ZNF557: variants seen among roughly 807,000 people sequenced by gnomAD.
ZNF557 encodes CTB-25J19.9.
In ZNF557, 19 loss-of-function variants were observed where a neutral mutation model predicts 21.2. The ratio of observed to expected loss-of-function variants is 0.90; its 90% CI spans 0.63 to 1.32. ZNF557 has a LOEUF of 1.32. Among genes scored for constraint, ZNF557 ranks in the 40% most tolerant of loss-of-function variants. The probability of loss-of-function intolerance (pLI) is 0.00; values close to 1 mark genes in which losing one functional copy is unlikely to be tolerated. For synonymous variants in ZNF557, 207 were observed against 194.8 expected (o/e 1.06, Z -0.52); for missense variants, 487 against 519.8 (o/e 0.94, Z 0.61).
intron 6 of ZNF557, among the ~76,000 whole-genome samples, chr19:7,081,662 C>T (rs899304996): frequency 5.3e-5 from 8 of 152,086 alleles, no homozygotes; most frequent in African/African-American, 1.9e-4. Flanking sequence ...TTACTTGGGC[C>T]TCAGGGGAGA....
At chr19:7,077,986 TG>T (rs201718198) in intron 5 of ZNF557, among the ~76,000 whole-genome samples, 2,266 of 152,278 alleles carry the variant, frequency 0.015, 22 homozygotes, top group Non-Finnish European at 0.024. Context: ...TTTTTCCATT[TG>T]GGGGGCATTG....
chr19:7,081,199 G>A, intron 5 of ZNF557, among the ~76,000 whole-genome samples, 161 bp from the exon 6 acceptor site: 1 of 33,416 alleles, frequency 3.0e-5, no homozygotes, highest in South Asian at 7.5e-4. Context: ...GTGTGTGTGT[G>A]TGAGTGTTTA....
intron 2 of ZNF557, among the ~76,000 whole-genome samples, chr19:7,071,902 G>A (rs1314575778): frequency 2.1e-5 from 3 of 144,114 alleles, no homozygotes; most frequent in Non-Finnish European, 3.0e-5. Flanking sequence ...TCAGGAGATC[G>A]AGACCATCCT....
At chr19:7,069,893 C>G (rs1041321387) in intron 1 of ZNF557, 120 bp downstream of exon 1, 1 of 152,414 alleles carries the variant, frequency 6.6e-6, no homozygotes, top group Non-Finnish European at 1.5e-5. Flanking sequence ...CTGTTTCCTC[C>G]GGTGTCCGGG....
Position 7,069,791 on chromosome 19 carries a change from G to C in ZNF557, c.-172+18G>C, listed in dbSNP as rs1288408335. 5.3e-5 allele frequency: 8 copies of C among 152,310 alleles called. No individual in the cohort carries two copies. The highest frequency in any genetic ancestry group is 1.9e-4 in the East Asian group (1 of 5,188). 9.4% of individuals were successfully genotyped at this position (152,310 alleles called of 1,614,324 possible). A position where few individuals can be genotyped will look rare whatever the true frequency, so the allele number is the denominator to read the frequency against. On this transcript the variant is annotated intron_variant, in intron 1 of 7. Coordinates refer to ENST00000252840, the MANE Select transcript of ZNF557 (RefSeq NM_024341.3). ...TTCATTCCGTGAGTCCGAGTCCAGA[G>C]AGGGGCCCCAGCCGCGGGCCTGCGT...
Position 7,075,657 on chromosome 19 carries a change from C to T in ZNF557, c.34C>T (p.Leu12=). The change falls in exon 4 of 8, where the codon CTG becomes TTG. Residue 12 remains leucine, a splice_region_variant and synonymous_variant. Transcript: ENST00000252840. The part of the protein sequence containing the change: ...AAVVLPPTAA[L]SSLFPASQRE... ...GGTACTCATTTCTCCTCCTCCAGCT[C>T]TGTCTTCCCTGTTCCCAGCCTCTCA... 1 of 1,613,472 alleles carries T rather than the reference C, an allele frequency of 6.2e-7. No homozygotes were observed. Among genetic ancestry groups the T allele is most frequent in the South Asian group, 1.1e-5 (1 of 91,078 alleles).
At chr19:7,071,938 T>C (rs1977469345) in intron 2 of ZNF557, among the ~76,000 whole-genome samples, 1 of 100,328 alleles carries the variant, frequency 1.0e-5, no homozygotes, top group Admixed American at 1.2e-4. Flanking sequence ...ACCCCGTCTG[T>C]ACTAAAAATA....
chr19:7,071,850 A>G lies in ZNF557; in HGVS notation c.-80+1197A>G, dbSNP rs527900348. ...GCTGGGCATGGTGGCTCACGCCTGT[A>G]ATCCCAGCACTTCGGGAGGCCAAGG... On this transcript the variant is annotated intron_variant, in intron 2 of 7. Coordinates refer to ENST00000252840, the MANE Select transcript of ZNF557 (RefSeq NM_024341.3). Among the ~76,000 whole-genome samples, 4 of 142,152 alleles carry G rather than the reference A, an allele frequency of 2.8e-5. No individual in the cohort carries two copies. The East Asian group carries it at 8.5e-4, about 30-fold the overall frequency. 93.3% of individuals were successfully genotyped at this position (142,152 alleles called of 152,430 possible).
At position 7,076,123 on chromosome 19, in the gene ZNF557, G is replaced by A. The variant is rs569476270; in HGVS notation, c.121-258G>A. On this transcript the variant is annotated intron_variant, in intron 4 of 7. Transcript: ENST00000252840. ...GACTGAGGGAAATAAGATCATAGGA[G>A]CTCCCAGTTTGAGTGAGAAAAGACA... Among the ~76,000 whole-genome samples the A allele has an allele frequency of 1.9e-4, 29 of 152,308 alleles. 1 individual carries two copies. Among genetic ancestry groups the A allele is most frequent in the Middle Eastern group, 6.8e-3 (2 of 294 alleles).
At chr19:7,082,647 A>G (rs1255267704) in intron 7 of ZNF557, among the ~76,000 whole-genome samples, 3 of 152,168 alleles carry the variant, frequency 2.0e-5, no homozygotes, top group Non-Finnish European at 4.4e-5. Flanking sequence ...TTAGCCTTAA[A>G]TTTATCAAAA....
At chr19:7,071,919 C>T (rs995093516) in intron 2 of ZNF557, among the ~76,000 whole-genome samples, 6 of 144,570 alleles carry the variant, frequency 4.2e-5, no homozygotes, top group East Asian at 4.1e-4. Flanking sequence ...TCCTGGCTAA[C>T]GTGGTGAAAC....
At chr19:7,072,111 G>A (rs181688704) in intron 2 of ZNF557, among the ~76,000 whole-genome samples, 951 of 46,890 alleles carry the variant, frequency 0.02, 4 homozygotes, top group Middle Eastern at 0.12. Context: ...GCGAGACTCC[G>A]TCTCAAAAAA....
intron 2 of ZNF557, among the ~76,000 whole-genome samples, chr19:7,072,659 C>T (rs980434128): frequency 2.0e-5 from 3 of 152,214 alleles, no homozygotes; most frequent in Non-Finnish European, 2.9e-5. Flanking sequence ...CTGAGCAAGA[C>T]CCTACCTCGA....
chr19:7,080,238 A>G (rs551270320), intron 5 of ZNF557, among the ~76,000 whole-genome samples: 1 of 152,056 alleles, frequency 6.6e-6, no homozygotes, highest in East Asian at 1.9e-4. Flanking sequence ...CAGGAGGTGG[A>G]GGTTGCAGTG....
rs778379435 is a variant in ZNF557, at chr19:7,076,440, G to A, written c.180G>A (p.Leu60=). The change falls in exon 5 of 8, where the codon CTG becomes CTA. Residue 60 remains leucine, a synonymous_variant. Transcript: ENST00000252840. The stretch of plus-strand genomic sequence containing the variant: ...TCACCCAGGAGGAGTGGGCATTGCT[G>A]GACCCTGCCCAAAGGACACTGTACA... ...VEFTQEEWAL[L]DPAQRTLYRD... The A allele has an allele frequency of 1.9e-4, 299 of 1,614,080 alleles. No homozygotes were observed. Among genetic ancestry groups the A allele is most frequent in the Non-Finnish European group, 2.5e-4 (292 of 1,180,058 alleles).
At chr19:7,081,140 T>C (rs77893277) in intron 5 of ZNF557, among the ~76,000 whole-genome samples, 2,206 of 150,352 alleles carry the variant, frequency 0.015, 56 homozygotes, top group African/African-American at 0.051. Context: ...ACCCTAGATA[T>C]TGCTTGTGGG....
intron 1 of ZNF557, 137 bp downstream of exon 1, chr19:7,069,910 G>GCCCCTGT (rs1568404170): frequency 6.6e-6 from 1 of 152,502 alleles, no homozygotes; most frequent in African/African-American, 2.4e-5. Context: ...CGGGCCCCGC[G>GCCCCTGT]CCCCTGTCAT....
At position 7,083,872 on chromosome 19, in the gene ZNF557, A is replaced by G; in HGVS notation, c.*128A>G. On this transcript the variant is annotated 3_prime_UTR_variant, in exon 8 of 8. Transcript: ENST00000252840. ...TACCCCCCAAAATTTTGTGGCTTCA[A>G]ACAAAAACACTTGTTATCTCAAAAT... 8.4e-7 allele frequency: 1 copy of G among 1,187,692 alleles called. No homozygotes were observed. Among genetic ancestry groups the G allele is most frequent in the Non-Finnish European group, 1.2e-6 (1 of 845,328 alleles). The allele number at this position is 1,187,692 out of a possible 1,614,324, so 73.6% of individuals were successfully genotyped here.
chr19:7,078,697 G>A (rs748035146), intron 5 of ZNF557, among the ~76,000 whole-genome samples: 12 of 152,042 alleles, frequency 7.9e-5, no homozygotes, highest in Non-Finnish European at 1.3e-4. Flanking sequence ...TTCCCAAAGT[G>A]CTGTAATTAG....
Sources: gnomAD v4.1 joint callset for allele counts (sites outside exome capture counted in the v4.1 genomes callset) on GRCh38, gnomAD v4.1.1 for gene constraint, MANE v1.5 for transcripts, NCBI Gene and HGNC (gene_info 2026-07-23, HGNC 2026-07-21) for gene names.